Variants in FSTL4 observed in about 807,000 individuals in gnomAD.
FSTL4 encodes the protein follistatin like 4.
A neutral mutation model predicts 78.2 loss-of-function variants in FSTL4; 28 were observed. That is an observed-to-expected ratio of 0.36 (90% CI 0.27 to 0.49). The LOEUF (loss-of-function observed/expected upper bound fraction) is 0.49, where lower values mean the gene tolerates loss of function less well. FSTL4 is among the 20% of genes least tolerant of loss of function. The probability of loss-of-function intolerance (pLI) is 0.98; values close to 1 mark genes in which losing one functional copy is unlikely to be tolerated. For missense variants in FSTL4, 922 were observed against 1,084.9 expected, an observed-to-expected ratio of 0.85 and a Z score of 2.11; for synonymous variants, 422 against 440.5, an observed-to-expected ratio of 0.96 and a Z score of 0.53.
the FSTL4 span, among the ~76,000 whole-genome samples, chr5:133,828,634 C>G: frequency 7.9e-5 from 12 of 152,188 alleles, no homozygotes; most frequent in East Asian, 5.8e-4. Flanking sequence ...GCACTATGGG[C>G]ACCGTGATCC....
chr5:133,387,053 G>A (rs933824618), intron 4 of FSTL4, among the ~76,000 whole-genome samples: 1 of 152,208 alleles, frequency 6.6e-6, no homozygotes, highest in Non-Finnish European at 1.5e-5. Flanking sequence ...CAAGTGCCAA[G>A]TCTGGTGGAG....
chr5:133,325,865 G>A (rs1249858952), intron 4 of FSTL4, among the ~76,000 whole-genome samples: 1 of 152,188 alleles, frequency 6.6e-6, no homozygotes, highest in East Asian at 1.9e-4. Context: ...CCAGACATTA[G>A]CAACACTGGT....
At chr5:133,364,527 C>T (rs1755140058) in intron 4 of FSTL4, among the ~76,000 whole-genome samples, 1 of 152,218 alleles carries the variant, frequency 6.6e-6, no homozygotes, top group Non-Finnish European at 1.5e-5. Flanking sequence ...CAGGAATCAT[C>T]CCTCCTGACA....
chr5:133,558,738 T>C (rs983996950), intron 3 of FSTL4, among the ~76,000 whole-genome samples: 3 of 151,152 alleles, frequency 2.0e-5, no homozygotes, highest in Admixed American at 6.6e-5. Flanking sequence ...ACCAGTGGGG[T>C]GCGTTAGAAT....
the FSTL4 span, among the ~76,000 whole-genome samples, chr5:133,825,646 G>A: frequency 6.6e-6 from 1 of 152,212 alleles, no homozygotes; most frequent in Non-Finnish European, 1.5e-5. Flanking sequence ...AGGCAGGGAG[G>A]GGCATGGCCC....
chr5:133,582,522 A>C (rs1257753036), intron 2 of FSTL4, among the ~76,000 whole-genome samples: 1 of 152,154 alleles, frequency 6.6e-6, no homozygotes, highest in Non-Finnish European at 1.5e-5. Context: ...AGAAGTGCTC[A>C]TCATTGTTTC....
chr5:133,326,245 T>G (rs775885841), intron 4 of FSTL4, among the ~76,000 whole-genome samples: 25 of 152,226 alleles, frequency 1.6e-4, no homozygotes, highest in South Asian at 6.2e-4. Context: ...CCAATGGGCT[T>G]ATCTTTAAGA....
intron 3 of FSTL4, among the ~76,000 whole-genome samples, chr5:133,546,969 C>G (rs1406933308): frequency 1.3e-5 from 2 of 152,144 alleles, no homozygotes; most frequent in Non-Finnish European, 2.9e-5. Flanking sequence ...TTGTGAACAC[C>G]CTGGGGGCCC....
At chr5:133,386,824 CG>C (rs1755710918) in intron 4 of FSTL4, among the ~76,000 whole-genome samples, 1 of 152,106 alleles carries the variant, frequency 6.6e-6, no homozygotes, top group Non-Finnish European at 1.5e-5. Context: ...GTGGCATTGG[CG>C]GGGACTTTCT....
intron 3 of FSTL4, among the ~76,000 whole-genome samples, chr5:133,493,882 G>A (rs1366338029): frequency 6.6e-6 from 1 of 152,134 alleles, no homozygotes; most frequent in Non-Finnish European, 1.5e-5. Context: ...CCTTCTGCCG[G>A]ATATTGAACC....
At chr5:133,655,911 G>A in the FSTL4 span, among the ~76,000 whole-genome samples, 1 of 152,192 alleles carries the variant, frequency 6.6e-6, no homozygotes, top group East Asian at 1.9e-4. Flanking sequence ...TTTTGCAGAT[G>A]AGAAAACCGA....
chr5:133,315,545 C>A (rs534500241), intron 5 of FSTL4, among the ~76,000 whole-genome samples: 1 of 152,286 alleles, frequency 6.6e-6, no homozygotes, highest in South Asian at 2.1e-4. Flanking sequence ...TTTAAATTGG[C>A]ATCAAAGGTG....
At chr5:133,726,308 T>C in the FSTL4 span, among the ~76,000 whole-genome samples, 2 of 152,192 alleles carry the variant, frequency 1.3e-5, no homozygotes, top group Admixed American at 6.5e-5. Context: ...GCCGAACATT[T>C]ATATACTTGG....
intron 2 of FSTL4, among the ~76,000 whole-genome samples, chr5:133,571,755 T>C (rs1205301762): frequency 6.6e-6 from 1 of 151,790 alleles, no homozygotes; most frequent in Non-Finnish European, 1.5e-5. Flanking sequence ...ACTGAAAAAT[T>C]CAATAGGTGG....
chr5:133,283,987 T>C (rs1753069428), intron 6 of FSTL4, among the ~76,000 whole-genome samples: 1 of 152,148 alleles, frequency 6.6e-6, no homozygotes, highest in South Asian at 2.1e-4. Flanking sequence ...TTGTGGAAAC[T>C]CACTATCATG....
intron 3 of FSTL4, among the ~76,000 whole-genome samples, chr5:133,502,187 C>T (rs935499452): frequency 5.3e-5 from 8 of 152,136 alleles, no homozygotes; most frequent in Non-Finnish European, 2.9e-5. Flanking sequence ...TTACAGCAGC[C>T]CTAGGAGACT....
chr5:133,505,772 T>A (rs915098732), intron 3 of FSTL4, among the ~76,000 whole-genome samples: 3 of 152,220 alleles, frequency 2.0e-5, no homozygotes, highest in African/African-American at 7.2e-5. Context: ...TACTAGCAGA[T>A]GAAGCAACGG....
intron 3 of FSTL4, among the ~76,000 whole-genome samples, chr5:133,478,921 T>A (rs935256432): frequency 1.3e-4 from 20 of 152,070 alleles, no homozygotes; most frequent in African/African-American, 4.3e-4. Flanking sequence ...AGTGTCTCAG[T>A]CCCTAAAGCA....
intron 4 of FSTL4, among the ~76,000 whole-genome samples, chr5:133,384,421 T>C (rs1285478228): frequency 6.6e-6 from 1 of 152,242 alleles, no homozygotes; most frequent in African/African-American, 2.4e-5. Context: ...CTCTTGTCAG[T>C]TGAAGGATTT....
Sources: allele counts gnomAD v4.1 joint callset (sites outside exome capture counted in the v4.1 genomes callset), GRCh38; gene constraint gnomAD v4.1.1; transcripts MANE v1.5; gene names NCBI Gene and HGNC (gene_info 2026-07-23, HGNC 2026-07-21).